Variants in SYNE1 observed in about 807,000 individuals in gnomAD.
SYNE1 encodes the protein spectrin repeat containing nuclear envelope protein 1, also known as nesprin-1.
Under a neutral mutation model 1,111.0 loss-of-function variants are expected in SYNE1, and 616 were observed. That is an observed-to-expected ratio of 0.55 (90% CI 0.52 to 0.59). The LOEUF is 0.59. Ranked by LOEUF, SYNE1 falls within the 20% of genes least tolerant of loss-of-function variation. The pLI is 0.00. For synonymous variants in SYNE1, 3,855 were observed against 3,825.8 expected, an observed-to-expected ratio of 1.01 and a Z score of -0.28; for missense variants, 10,006 against 10,417.0, an observed-to-expected ratio of 0.96 and a Z score of 1.72.
chr6:152,390,614 A>G (rs553297531), intron 52 of SYNE1, among the ~76,000 whole-genome samples, 162 bp from the exon 53 acceptor site: 1 of 152,344 alleles, frequency 6.6e-6, no homozygotes, highest in South Asian at 2.1e-4. Context: ...TTGACTCAAA[A>G]TTAGGTATCT....
rs376518010 is a variant in SYNE1 at position 152,413,431 on chromosome 6, C to G, written c.6151G>C (p.Ala2051Pro). 1.2e-5 allele frequency: 20 copies of G among 1,614,064 alleles called. No homozygotes were observed. Among genetic ancestry groups the G allele is most frequent in the Non-Finnish European group, 1.6e-5 (19 of 1,180,036 alleles). Reference protein sequence around the residue: ...KAKQIAQKDVAFAPEVDREIN... With the variant: ...KAKQIAQKDVPFAPEVDREIN... ...TCCCTGTCAACTTCAGGTGCAAAAGCTACATCTTTCTGGGCAATTTGCTTG... is the reference window on the plus strand; with the variant it reads ...TCCCTGTCAACTTCAGGTGCAAAAGGTACATCTTTCTGGGCAATTTGCTTG... The change falls in exon 42 of 146, where the codon GCT becomes CCT. Residue 2051 changes from alanine to proline, a missense_variant. Coordinates refer to ENST00000367255, the MANE Select transcript of SYNE1 (RefSeq NM_182961.4).
At chr6:152,508,303 G>GC (rs1055194704) in intron 8 of SYNE1, among the ~76,000 whole-genome samples, 22 of 152,278 alleles carry the variant, frequency 1.4e-4, no homozygotes, top group African/African-American at 5.1e-4. Flanking sequence ...TTTATTGCTT[G>GC]CTCACGGGTG....
chr6:152,254,244 C>CTTCT (rs1562531205), intron 104 of SYNE1, among the ~76,000 whole-genome samples: 1 of 73,144 alleles, frequency 1.4e-5, no homozygotes, highest in Admixed American at 2.1e-4. Flanking sequence ...TCTGCATACT[C>CTTCT]TTTTTTTTTT....
At chr6:152,302,243 G>A in intron 91 of SYNE1, 180 bp from the exon 92 acceptor site, 1 of 809,192 alleles carries the variant, frequency 1.2e-6, no homozygotes, top group Non-Finnish European at 2.0e-6. Flanking sequence ...CGCAGGCTGC[G>A]CGGCGCGGCG....
intron 37 of SYNE1, 63 bp from the exon 38 acceptor site, chr6:152,427,879 T>C: frequency 6.2e-7 from 1 of 1,610,320 alleles, no homozygotes; most frequent in Middle Eastern, 1.7e-4. Context: ...GATTAAACCT[T>C]TGTGAAGTTG....
chr6:152,295,622 ACAC>A (rs750838781), intron 93 of SYNE1, among the ~76,000 whole-genome samples: 1 of 152,062 alleles, frequency 6.6e-6, no homozygotes, highest in Non-Finnish European at 1.5e-5. Context: ...ACTGACACAC[ACAC>A]ACACACATAC....
intron 95 of SYNE1, among the ~76,000 whole-genome samples, chr6:152,288,103 T>C (rs995010820): frequency 2.0e-5 from 3 of 149,706 alleles, no homozygotes; most frequent in Non-Finnish European, 2.9e-5. Context: ...CCTCCATAAT[T>C]AGATGGATCT....
Position 152,444,495 on chromosome 6 carries a change from G to C in SYNE1, c.3753C>G (p.Gly1251=). Residue 1251 remains glycine, a synonymous_variant, in exon 30 of 146, where the codon GGC becomes GGG. Transcript: ENST00000367255. The part of the protein sequence containing the change: ...VKNSLEELIS[G]SKEVQEQAEK... ...CAGCTTGTTCCTGGACTTCTTTAGA[G>C]CCAGAAATTAATTCTTCGAGAGAAT... 1 of 1,613,844 alleles carries C rather than the reference G, an allele frequency of 6.2e-7. No homozygotes were observed. The highest frequency in any genetic ancestry group is 8.5e-7 in the Non-Finnish European group (1 of 1,179,908).
Position 152,339,341 on chromosome 6 carries a change from T to C in SYNE1, c.12251A>G (p.Glu4084Gly). ...KQVKHFRALQEQARTYLDLLC... is the reference protein window; with the variant it reads ...KQVKHFRALQGQARTYLDLLC... ...GAGATCTAGGTAGGTCCTTGCCTGC[T>C]CTTGCAAAGCTCTGAAGTGTTTGAC... Residue 4084 changes from glutamate (E) to glycine (G), a missense_variant, in exon 75 of 146, where the codon GAG becomes GGG. Transcript: ENST00000367255. The C allele has an allele frequency of 6.2e-7, 1 of 1,613,988 alleles. No homozygotes were observed. The highest frequency in any genetic ancestry group is 8.5e-7 in the Non-Finnish European group (1 of 1,179,858).
chr6:152,143,536 T>A, intron 138 of SYNE1, 87 bp downstream of exon 138: 1 of 1,593,896 alleles, frequency 6.3e-7, no homozygotes, highest in Non-Finnish European at 8.6e-7. Flanking sequence ...AGAGACCACA[T>A]AAAGCCCTGA....
At chr6:152,461,447 A>T in intron 21 of SYNE1, 150 bp downstream of exon 21, 3 of 938,576 alleles carry the variant, frequency 3.2e-6, no homozygotes, top group Admixed American at 4.5e-5. Context: ...TTTTTAATTC[A>T]TGACAAAGTT....
At chr6:152,234,276 T>C (rs1048171781) in intron 111 of SYNE1, among the ~76,000 whole-genome samples, 3 of 145,350 alleles carry the variant, frequency 2.1e-5, no homozygotes, top group Non-Finnish European at 4.5e-5. Context: ...CCACTGATGG[T>C]TGACTTCCTT....
chr6:152,380,306 A>G (rs1389261625), intron 56 of SYNE1, among the ~76,000 whole-genome samples: 1 of 152,190 alleles, frequency 6.6e-6, no homozygotes, highest in Non-Finnish European at 1.5e-5. Flanking sequence ...AGGGCATTAT[A>G]AAACTGGAAA....
intron 130 of SYNE1, among the ~76,000 whole-genome samples, chr6:152,167,569 C>T (rs936257025): frequency 6.6e-6 from 1 of 152,142 alleles, no homozygotes; most frequent in Non-Finnish European, 1.5e-5. Context: ...ACACTTTGCA[C>T]ATATATTTTA....
At chr6:152,393,524 T>A (rs928545503) in intron 51 of SYNE1, among the ~76,000 whole-genome samples, 14 of 151,690 alleles carry the variant, frequency 9.2e-5, no homozygotes, top group African/African-American at 3.2e-4. Context: ...TACTAGATAA[T>A]GAACAGAAAT....
chr6:152,506,902 C>T (rs2099061071), intron 8 of SYNE1, among the ~76,000 whole-genome samples: 2 of 152,074 alleles, frequency 1.3e-5, no homozygotes, highest in Non-Finnish European at 1.5e-5. Context: ...TTGTAGACAA[C>T]TTATCATTCA....
intron 3 of SYNE1, among the ~76,000 whole-genome samples, chr6:152,608,621 C>T (rs1312943904): frequency 2.0e-5 from 3 of 152,122 alleles, no homozygotes; most frequent in African/African-American, 4.8e-5. Context: ...TCTTTAGGAA[C>T]CTCAGTTACT....
chr6:152,415,745 C>T lies in SYNE1; in HGVS notation c.6050+642G>A, dbSNP rs960595384. On this transcript the variant is annotated intron_variant, in intron 41 of 145. Transcript: ENST00000367255. ...AGGGAAATCCAAAGAAATTTTAGTA[C>T]GTCTCAAGTGTCAAATTAGTCGTTA... Among the ~76,000 whole-genome samples the T allele has an allele frequency of 6.9e-5, 9 of 129,654 alleles. No individual in the cohort carries two copies. In the East Asian group the frequency reaches 9.1e-4, roughly 13 times the overall value. The allele number at this position is 129,654 out of a possible 152,430, so 85.1% of individuals were successfully genotyped here. A position where few individuals can be genotyped will look rare whatever the true frequency, so the allele number is the denominator to read the frequency against.
Position 152,211,508 on chromosome 6 carries a change from A to G in SYNE1, c.22575T>C (p.Gly7525=), listed in dbSNP as rs758738636. Residue 7525 remains glycine (G), a synonymous_variant, in exon 124 of 146, where the codon GGT becomes GGC. Transcript: ENST00000367255. ...AAAGATCCTACCTGTCATCAACTTGACCTTGTTCTAGAAGACGTTGCCCAT... is the reference window on the plus strand; with the variant it reads ...AAAGATCCTACCTGTCATCAACTTGGCCTTGTTCTAGAAGACGTTGCCCAT... The part of the protein sequence containing the change: ...IIDGQRLLEQ[G]QVDDRDEFNL... The G allele has an allele frequency of 6.2e-7, 1 of 1,613,496 alleles. No individual in the cohort carries two copies. The highest frequency in any genetic ancestry group is 1.1e-5 in the South Asian group (1 of 91,062).
Sources: gnomAD v4.1 joint callset for allele counts (sites outside exome capture counted in the v4.1 genomes callset) on GRCh38, gnomAD v4.1.1 for gene constraint, MANE v1.5 for transcripts, NCBI Gene and HGNC (gene_info 2026-07-23, HGNC 2026-07-21) for gene names.